The following KCNMB2 variants were observed in gnomAD, a reference collection of about 807,000 sequenced individuals.
KCNMB2 encodes the protein potassium calcium-activated channel subfamily M regulatory beta subunit 2, also known as calcium-activated potassium channel subunit beta-2.
A neutral mutation model predicts 24.5 loss-of-function variants in KCNMB2; 9 were observed. The observed-to-expected ratio is 0.37, with a 90% confidence interval of 0.22 to 0.64. KCNMB2 has a LOEUF of 0.64. Ranked by LOEUF, KCNMB2 falls within the 30% of genes least tolerant of loss-of-function variation. KCNMB2 has a pLI of 0.63. For synonymous variants in KCNMB2, 109 were observed against 104.4 expected, an observed-to-expected ratio of 1.04 and a Z score of -0.27; for missense variants, 226 against 284.3, an observed-to-expected ratio of 0.79 and a Z score of 1.47.
At chr3:178,593,299 T>G (rs190984954) in intron 1 of KCNMB2, among the ~76,000 whole-genome samples, 3 of 152,184 alleles carry the variant, frequency 2.0e-5, no homozygotes, top group African/African-American at 7.2e-5. Context: ...ATGAAATAAG[T>G]GTCTAATAAA....
chr3:178,602,152 G>A (rs1003229996), intron 1 of KCNMB2, among the ~76,000 whole-genome samples: 1 of 152,030 alleles, frequency 6.6e-6, no homozygotes, highest in Non-Finnish European at 1.5e-5. Context: ...GGAATATAGG[G>A]GAAAGTATGA....
intron 1 of KCNMB2, among the ~76,000 whole-genome samples, chr3:178,621,571 T>C (rs956831722): frequency 6.6e-6 from 1 of 152,094 alleles, no homozygotes; most frequent in Non-Finnish European, 1.5e-5. Context: ...TCTAAGCCAG[T>C]CTAGACTAGG....
intron 1 of KCNMB2, among the ~76,000 whole-genome samples, chr3:178,622,087 T>A (rs1425396107): frequency 6.6e-6 from 1 of 152,224 alleles, no homozygotes; most frequent in Non-Finnish European, 1.5e-5. Context: ...CTAAATGAGA[T>A]GAATGCTGAG....
intron 3 of KCNMB2, among the ~76,000 whole-genome samples, chr3:178,827,585 A>G (rs1238367061): frequency 6.6e-6 from 1 of 152,204 alleles, no homozygotes; most frequent in Non-Finnish European, 1.5e-5. Flanking sequence ...GCAGTAAGTG[A>G]TTGCTCATGA....
At chr3:178,613,250 T>C (rs770903842) in intron 1 of KCNMB2, among the ~76,000 whole-genome samples, 2 of 152,102 alleles carry the variant, frequency 1.3e-5, no homozygotes, top group Non-Finnish European at 2.9e-5. Context: ...ATACAAAAAT[T>C]AGTGGGGCAT....
intron 4 of KCNMB2, among the ~76,000 whole-genome samples, chr3:178,829,211 T>C (rs1374010904): frequency 6.6e-6 from 1 of 152,194 alleles, no homozygotes; most frequent in Non-Finnish European, 1.5e-5. Context: ...AATAATCTCA[T>C]ATGCCAAGAC....
intron 1 of KCNMB2, among the ~76,000 whole-genome samples, chr3:178,692,497 G>A (rs1181784569): frequency 2.6e-5 from 4 of 152,146 alleles, no homozygotes; most frequent in African/African-American, 9.7e-5. Context: ...TTATTGAACA[G>A]GGAATCCTTT....
chr3:178,557,394 A>C (rs1716161699), intron 1 of KCNMB2, among the ~76,000 whole-genome samples: 2 of 152,226 alleles, frequency 1.3e-5, no homozygotes, highest in Non-Finnish European at 2.9e-5. Context: ...ATTTAGAAAG[A>C]CTTTGAAAGG....
chr3:178,686,935 G>A (rs1215376004), intron 1 of KCNMB2, among the ~76,000 whole-genome samples: 1 of 151,138 alleles, frequency 6.6e-6, no homozygotes, highest in Non-Finnish European at 1.5e-5. Context: ...AGTGCAGACA[G>A]CTTTTATTTA....
At chr3:178,633,435 G>A (rs1719397829) in intron 1 of KCNMB2, among the ~76,000 whole-genome samples, 1 of 152,204 alleles carries the variant, frequency 6.6e-6, no homozygotes, top group Non-Finnish European at 1.5e-5. Context: ...TGACTTCTGT[G>A]CACCTGCAGG....
intron 1 of KCNMB2, among the ~76,000 whole-genome samples, chr3:178,603,453 G>T (rs905254024): frequency 6.6e-6 from 1 of 151,152 alleles, no homozygotes; most frequent in Non-Finnish European, 1.5e-5. Context: ...AAAGAAATGG[G>T]TCATTTGAGA....
At chr3:178,698,265 A>G (rs1236556683) in intron 1 of KCNMB2, among the ~76,000 whole-genome samples, 1 of 152,174 alleles carries the variant, frequency 6.6e-6, no homozygotes, top group African/African-American at 2.4e-5. Flanking sequence ...ACCAAGAGTC[A>G]CAGATTCATA....
At chr3:178,785,429 G>C (rs1713062364) in intron 1 of KCNMB2, among the ~76,000 whole-genome samples, 1 of 151,784 alleles carries the variant, frequency 6.6e-6, no homozygotes, top group African/African-American at 2.4e-5. Context: ...GAATGACAGT[G>C]AGGAATATTA....
At chr3:178,613,271 G>A (rs543608822) in intron 1 of KCNMB2, among the ~76,000 whole-genome samples, 16 of 152,216 alleles carry the variant, frequency 1.1e-4, no homozygotes, top group African/African-American at 2.9e-4. Context: ...GGTGGTGGGC[G>A]CCTTTAATCC....
At chr3:178,681,987 A>G (rs1444691535) in intron 1 of KCNMB2, among the ~76,000 whole-genome samples, 1 of 152,220 alleles carries the variant, frequency 6.6e-6, no homozygotes, top group South Asian at 2.1e-4. Flanking sequence ...GTTTGTTTAA[A>G]TATCTTCTTT....
chr3:178,617,328 G>A (rs1435779744), intron 1 of KCNMB2, among the ~76,000 whole-genome samples: 1 of 151,882 alleles, frequency 6.6e-6, no homozygotes, highest in African/African-American at 2.4e-5. Flanking sequence ...GGAGGCCGAG[G>A]CAGGCAGATC....
At chr3:178,768,190 T>C (rs1033400673) in intron 1 of KCNMB2, among the ~76,000 whole-genome samples, 2 of 152,180 alleles carry the variant, frequency 1.3e-5, no homozygotes, top group Non-Finnish European at 2.9e-5. Context: ...CTGGGCCATC[T>C]GCTGCCCCAC....
intron 1 of KCNMB2, among the ~76,000 whole-genome samples, chr3:178,757,760 A>C (rs1222146163): frequency 1.6e-5 from 1 of 61,056 alleles, no homozygotes; most frequent in African/African-American, 5.8e-5. Context: ...AAGAGGATAT[A>C]TATATATATC....
intron 1 of KCNMB2, among the ~76,000 whole-genome samples, chr3:178,548,346 C>T (rs960076775): frequency 1.3e-5 from 2 of 152,194 alleles, no homozygotes; most frequent in Non-Finnish European, 2.9e-5. Flanking sequence ...CCAAGCATGA[C>T]CTTGATCATG....
Sources: allele counts gnomAD v4.1 joint callset (sites outside exome capture counted in the v4.1 genomes callset), GRCh38; gene constraint gnomAD v4.1.1; transcripts MANE v1.5; gene names NCBI Gene and HGNC (gene_info 2026-07-23, HGNC 2026-07-21).